Variants in GRIA4 observed in about 807,000 individuals in gnomAD.
GRIA4 encodes the protein glutamate receptor 4.
Under a neutral mutation model 104.0 loss-of-function variants are expected in GRIA4, and 34 were observed. The ratio of observed to expected loss-of-function variants is 0.33; its 90% confidence interval spans 0.25 to 0.44. GRIA4 has a LOEUF of 0.44. Ranked by LOEUF, GRIA4 falls within the 20% of genes least tolerant of loss-of-function variation. GRIA4 has a pLI of 1.00. For synonymous variants in GRIA4, 386 were observed against 381.9 expected (o/e 1.01, Z -0.13); for missense variants, 750 against 1,096.5 (o/e 0.68, Z 4.46).
chr11:105,900,828 G>A (rs1445435254), intron 7 of GRIA4, among the ~76,000 whole-genome samples: 1 of 152,094 alleles, frequency 6.6e-6, no homozygotes, highest in African/African-American at 2.4e-5. Flanking sequence ...GGCCTCAAGT[G>A]ATCTGTCCCA....
intron 6 of GRIA4, among the ~76,000 whole-genome samples, chr11:105,897,297 A>G (rs912416438): frequency 6.6e-6 from 1 of 152,104 alleles, no homozygotes; most frequent in African/African-American, 2.4e-5. Context: ...TTTATCAGAC[A>G]TAGTAGTCTT....
At chr11:105,720,280 A>G (rs1053236093) in intron 3 of GRIA4, among the ~76,000 whole-genome samples, 24 of 152,170 alleles carry the variant, frequency 1.6e-4, no homozygotes, top group African/African-American at 3.4e-4. Flanking sequence ...TCACTGGCAG[A>G]GCAGCAGCAA....
intron 10 of GRIA4, chr11:105,913,154 C>A (rs1947304755): frequency 1.3e-5 from 6 of 464,304 alleles, no homozygotes; most frequent in Non-Finnish European, 1.7e-5. Context: ...GTGCTAGGCA[C>A]AGTTCTAGGC....
chr11:105,725,671 T>C (rs1424925883), intron 3 of GRIA4, among the ~76,000 whole-genome samples: 1 of 152,020 alleles, frequency 6.6e-6, no homozygotes, highest in Admixed American at 6.6e-5. Context: ...AGAGGGTGAT[T>C]TCTGCATTTG....
At chr11:105,625,241 C>T (rs1267358254) in intron 3 of GRIA4, among the ~76,000 whole-genome samples, 2 of 151,960 alleles carry the variant, frequency 1.3e-5, no homozygotes, top group Admixed American at 6.6e-5. Flanking sequence ...TCATGAAGGC[C>T]TATTACAGTG....
rs71041629 is a variant in GRIA4 at position 105,794,473 on chromosome 11, GTATATATATATATATATA to G, written c.487+41276_487+41293del. ...TGTGTCTGTGTGTGTGTATATGTAT[GTATATATATATATATATA>G]TATATATATATATATATATATACAT... On this transcript the variant is annotated intron_variant, in intron 4 of 16. Transcript: ENST00000282499. Among the ~76,000 whole-genome samples, 22 of 43,884 alleles carry G rather than the reference GTATATATATATATATATA, an allele frequency of 5.0e-4. 1 individual carries two copies. Among genetic ancestry groups the G allele is most frequent in the Admixed American group, 2.1e-3 (7 of 3,262 alleles). The allele number at this position is 43,884 out of a possible 152,430, so 28.8% of individuals were successfully genotyped here.
At chr11:105,611,634 C>T (rs1565400156) in intron 2 of GRIA4, among the ~76,000 whole-genome samples, 1 of 151,994 alleles carries the variant, frequency 6.6e-6, no homozygotes, top group Admixed American at 6.6e-5. Flanking sequence ...ATTTTGTTTT[C>T]TTCTTGAAGC....
intron 14 of GRIA4, chr11:105,945,489 C>A: frequency 1.0e-6 from 1 of 962,458 alleles, no homozygotes; most frequent in Non-Finnish European, 1.2e-6. Flanking sequence ...AACTAACCAG[C>A]TCCAGGACCA....
intron 3 of GRIA4, among the ~76,000 whole-genome samples, chr11:105,747,499 G>T (rs969824394): frequency 3.9e-5 from 6 of 152,130 alleles, no homozygotes; most frequent in Admixed American, 1.3e-4. Context: ...CAATGTCAAA[G>T]TTAAAATGCT....
chr11:105,934,116 A>G, intron 14 of GRIA4, 147 bp downstream of exon 14: 1 of 724,538 alleles, frequency 1.4e-6, no homozygotes, highest in Non-Finnish European at 2.2e-6. Flanking sequence ...TATTTTGGTC[A>G]ACAATCAGGT....
intron 14 of GRIA4, among the ~76,000 whole-genome samples, chr11:105,947,309 T>A (rs1948340105): frequency 6.6e-6 from 1 of 152,176 alleles, no homozygotes; most frequent in Non-Finnish European, 1.5e-5. Flanking sequence ...TATTCTTAAT[T>A]TATTTATCCT....
chr11:105,637,176 A>G (rs1436717882), intron 3 of GRIA4, among the ~76,000 whole-genome samples: 1 of 146,110 alleles, frequency 6.8e-6, no homozygotes, highest in Non-Finnish European at 1.5e-5. Context: ...AATTTTAATG[A>G]TATGAGGTAT....
intron 3 of GRIA4, among the ~76,000 whole-genome samples, chr11:105,680,209 C>A (rs12363110): frequency 6.6e-6 from 1 of 152,062 alleles, no homozygotes; most frequent in South Asian, 2.1e-4. Flanking sequence ...AGCAGAGTCT[C>A]GTAAGGACAC....
At chr11:105,838,534 C>T (rs1433629264) in intron 4 of GRIA4, among the ~76,000 whole-genome samples, 1 of 152,132 alleles carries the variant, frequency 6.6e-6, no homozygotes, top group East Asian at 1.9e-4. Context: ...TTTGAAATTG[C>T]TCTTATTTCC....
chr11:105,861,504 AC>A (rs1258685200), intron 4 of GRIA4, among the ~76,000 whole-genome samples: 1 of 152,140 alleles, frequency 6.6e-6, no homozygotes, highest in Non-Finnish European at 1.5e-5. Flanking sequence ...TCTAATATGC[AC>A]CTGTCCTCAT....
chr11:105,843,076 T>TCAGAG (rs1404319028), intron 4 of GRIA4, among the ~76,000 whole-genome samples: 1 of 152,240 alleles, frequency 6.6e-6, no homozygotes, highest in Non-Finnish European at 1.5e-5. Context: ...GACAATGTCC[T>TCAGAG]CAGAGCCGTG....
intron 14 of GRIA4, among the ~76,000 whole-genome samples, chr11:105,948,991 T>A (rs1948399568): frequency 6.6e-6 from 1 of 152,150 alleles, no homozygotes; most frequent in South Asian, 2.1e-4. Flanking sequence ...TGAAGTTTAG[T>A]TAAGAGTATC....
chr11:105,974,741 A>G, intron 16 of GRIA4: 2 of 554,478 alleles, frequency 3.6e-6, no homozygotes, highest in South Asian at 4.5e-5. Flanking sequence ...TATGTTGCCA[A>G]TAGATATCTG....
chr11:105,630,609 A>G (rs1951011190), intron 3 of GRIA4, among the ~76,000 whole-genome samples: 1 of 152,176 alleles, frequency 6.6e-6, no homozygotes, highest in Admixed American at 6.6e-5. Flanking sequence ...GTAGATATGA[A>G]AATGAAGGGA....
Sources: gnomAD v4.1 joint callset for allele counts (sites outside exome capture counted in the v4.1 genomes callset) on GRCh38, gnomAD v4.1.1 for gene constraint, MANE v1.5 for transcripts, NCBI Gene and HGNC (gene_info 2026-07-23, HGNC 2026-07-21) for gene names.